PCCA: variants seen among roughly 807,000 people sequenced by gnomAD.
The protein encoded by PCCA is propionyl-CoA carboxylase alpha chain, mitochondrial.
PCCA carries 74 observed loss-of-function variants against 101.3 expected under a neutral mutation model. The observed-to-expected ratio is 0.73, with a 90% CI of 0.61 to 0.89. PCCA has a LOEUF of 0.89. PCCA is among the 40% of genes least tolerant of loss of function. The pLI is 0.00. For synonymous variants in PCCA, 294 were observed against 313.6 expected, an observed-to-expected ratio of 0.94 and a Z score of 0.66; for missense variants, 891 against 907.0, an observed-to-expected ratio of 0.98 and a Z score of 0.23.
chr13:100,357,046 G>C (rs115305400), intron 18 of PCCA, among the ~76,000 whole-genome samples: 2,145 of 152,248 alleles, frequency 0.014, 47 homozygotes, highest in African/African-American at 0.05. Flanking sequence ...CTGAGGAGGG[G>C]AATGTAGAGT....
At chr13:100,348,502 T>G (rs928770667) in intron 18 of PCCA, among the ~76,000 whole-genome samples, 1 of 152,204 alleles carries the variant, frequency 6.6e-6, no homozygotes, top group Non-Finnish European at 1.5e-5. Flanking sequence ...CATTAAAAGC[T>G]AGTTATATTA....
At chr13:100,182,795 G>T (rs1421302959) in intron 6 of PCCA, among the ~76,000 whole-genome samples, 1 of 152,026 alleles carries the variant, frequency 6.6e-6, no homozygotes, top group Non-Finnish European at 1.5e-5. Flanking sequence ...CTGTCCCCAT[G>T]CCCCATTCCT....
At position 100,440,184 on chromosome 13, in the gene PCCA, ATATATATATATATATATATATATAT is replaced by A. The variant is rs2080253188; in HGVS notation, c.1846-9067_1846-9043del. Among the ~76,000 whole-genome samples the A allele has an allele frequency of 1.1e-3, 131 of 121,708 alleles. 2 individuals are homozygous for A. The highest frequency in any genetic ancestry group is 4.0e-3 in the Middle Eastern group (1 of 250). The allele number at this position is 121,708 out of a possible 152,430, so 79.8% of individuals were successfully genotyped here. ...TATATATATATATATATATATATAT[ATATATATATATATATATATATATAT>A]AAAACGTGATAACTTAAAATGCCCA... On this transcript the variant is annotated intron_variant, in intron 20 of 23. Transcript: ENST00000376285.
intron 6 of PCCA, among the ~76,000 whole-genome samples, chr13:100,199,090 A>G (rs775282658): frequency 2.6e-5 from 4 of 152,096 alleles, no homozygotes; most frequent in Non-Finnish European, 5.9e-5. Context: ...TTGTAAAATA[A>G]AAGGCAGTTA....
At chr13:100,163,024 A>T (rs1157992695) in intron 6 of PCCA, among the ~76,000 whole-genome samples, 1 of 152,176 alleles carries the variant, frequency 6.6e-6, no homozygotes, top group Non-Finnish European at 1.5e-5. Context: ...CTTTTAGAAT[A>T]TTTGAAGATT....
At chr13:100,170,862 T>G (rs1195037285) in intron 6 of PCCA, among the ~76,000 whole-genome samples, 1 of 152,216 alleles carries the variant, frequency 6.6e-6, no homozygotes, top group Non-Finnish European at 1.5e-5. Flanking sequence ...AACAGCATAT[T>G]TTGTCAGCAT....
At chr13:100,510,158 T>A (rs566584587) in intron 21 of PCCA, among the ~76,000 whole-genome samples, 1 of 152,228 alleles carries the variant, frequency 6.6e-6, no homozygotes, top group Non-Finnish European at 1.5e-5. Flanking sequence ...TTTTGCTGTA[T>A]ATGAAGAAAT....
chr13:100,409,163 C>T (rs1012299464), intron 19 of PCCA, among the ~76,000 whole-genome samples: 6 of 152,094 alleles, frequency 3.9e-5, no homozygotes, highest in East Asian at 1.9e-4. Flanking sequence ...ATGGAAAGGT[C>T]GGGTTGGTTC....
intron 4 of PCCA, among the ~76,000 whole-genome samples, chr13:100,136,476 C>G (rs966718380): frequency 1.3e-5 from 2 of 152,038 alleles, no homozygotes; most frequent in African/African-American, 4.8e-5. Context: ...GTGAGCCACG[C>G]GCCCGGCCTA....
At chr13:100,354,345 A>AGGAGGGAG (rs59424979) in intron 18 of PCCA, among the ~76,000 whole-genome samples, 3 of 95,932 alleles carry the variant, frequency 3.1e-5, no homozygotes, top group Non-Finnish European at 6.0e-5. Context: ...GGGCGGTGGG[A>AGGAGGGAG]GGAGGGAGGG....
chr13:100,455,728 C>T (rs2081658850), intron 21 of PCCA, among the ~76,000 whole-genome samples: 1 of 151,868 alleles, frequency 6.6e-6, no homozygotes, highest in Non-Finnish European at 1.5e-5. Flanking sequence ...GAGACAGAGT[C>T]TCCCTCTGTC....
At chr13:100,401,382 T>C (rs2077352742) in intron 19 of PCCA, among the ~76,000 whole-genome samples, 1 of 152,068 alleles carries the variant, frequency 6.6e-6, no homozygotes, top group South Asian at 2.1e-4. Context: ...TAGCTGGGAC[T>C]ACAGGCGTGC....
At chr13:100,247,587 C>T (rs1433676604) in intron 8 of PCCA, among the ~76,000 whole-genome samples, 2 of 147,302 alleles carry the variant, frequency 1.4e-5, no homozygotes, top group African/African-American at 5.1e-5. Context: ...AATCTGGGCT[C>T]ACTGCAACCT....
At chr13:100,125,074 A>G (rs1005563066) in intron 4 of PCCA, among the ~76,000 whole-genome samples, 1 of 152,096 alleles carries the variant, frequency 6.6e-6, no homozygotes, top group African/African-American at 2.4e-5. Context: ...GCAAATGACT[A>G]AAGTCAGGCT....
chr13:100,407,226 C>T (rs1373720268), intron 19 of PCCA, among the ~76,000 whole-genome samples: 1 of 152,138 alleles, frequency 6.6e-6, no homozygotes, highest in Non-Finnish European at 1.5e-5. Flanking sequence ...GAAGATTGAA[C>T]ATCATTTTGG....
intron 8 of PCCA, 86 bp from the exon 9 acceptor site, chr13:100,257,509 C>T (rs893100995): frequency 3.6e-5 from 33 of 904,306 alleles, no homozygotes; most frequent in Non-Finnish European, 5.4e-5. Context: ...TTGTTTTCTG[C>T]GTTATTGAAC....
chr13:100,408,619 C>A (rs932191234), intron 19 of PCCA, among the ~76,000 whole-genome samples: 3 of 152,114 alleles, frequency 2.0e-5, no homozygotes, highest in Non-Finnish European at 2.9e-5. Flanking sequence ...AGAGACAGGG[C>A]TAGGAAGACA....
chr13:100,147,394 A>G (rs946248251), intron 4 of PCCA, among the ~76,000 whole-genome samples: 2 of 152,248 alleles, frequency 1.3e-5, no homozygotes, highest in Non-Finnish European at 1.5e-5. Context: ...TGTGTTGAGC[A>G]GTGATAGCTG....
intron 22 of PCCA, among the ~76,000 whole-genome samples, chr13:100,518,732 A>G (rs1433565353): frequency 6.6e-6 from 1 of 152,194 alleles, no homozygotes. Flanking sequence ...AATAAATTTT[A>G]GTGCCTTTTT....
Sources: gnomAD v4.1 joint callset for allele counts (sites outside exome capture counted in the v4.1 genomes callset) on GRCh38, gnomAD v4.1.1 for gene constraint, MANE v1.5 for transcripts, NCBI Gene and HGNC (gene_info 2026-07-23, HGNC 2026-07-21) for gene names.